Variants in KCND2 observed in about 807,000 individuals in gnomAD.
KCND2 encodes potassium voltage-gated channel subfamily D member 2, also known as A-type voltage-gated potassium channel KCND2.
KCND2 carries 16 observed loss-of-function variants against 54.4 expected under a neutral mutation model. That is an observed-to-expected ratio of 0.29 (90% CI 0.20 to 0.45). The LOEUF is 0.45. KCND2 is among the 20% of genes least tolerant of loss of function. The probability of loss-of-function intolerance (pLI) is 1.00; values close to 1 mark genes in which losing one functional copy is unlikely to be tolerated. For synonymous variants in KCND2, 317 were observed against 310.7 expected (o/e 1.02, Z -0.21); for missense variants, 486 against 824.2 (o/e 0.59, Z 5.02).
At chr7:120,634,313 A>G (rs1246131348) in intron 1 of KCND2, among the ~76,000 whole-genome samples, 1 of 152,168 alleles carries the variant, frequency 6.6e-6, no homozygotes, top group East Asian at 1.9e-4. Flanking sequence ...ATATTAATAA[A>G]AATTTTACAT....
chr7:120,329,120 C>CTTTT (rs542875258), intron 1 of KCND2, among the ~76,000 whole-genome samples: 2 of 132,504 alleles, frequency 1.5e-5, no homozygotes, highest in South Asian at 2.4e-4. Flanking sequence ...CTAGCTTAGT[C>CTTTT]TTTTTTTTTT....
intron 1 of KCND2, among the ~76,000 whole-genome samples, chr7:120,367,565 A>T (rs866148269): frequency 2.8e-5 from 4 of 141,160 alleles, no homozygotes; most frequent in Non-Finnish European, 4.6e-5. Context: ...ATCCATAGTT[A>T]AAAAAAAAAA....
chr7:120,652,744 C>T (rs1055121862), intron 1 of KCND2, among the ~76,000 whole-genome samples: 4 of 152,120 alleles, frequency 2.6e-5, no homozygotes, highest in Non-Finnish European at 5.9e-5. Flanking sequence ...TGGCTCATCA[C>T]TTCAAAACTT....
At chr7:120,692,300 T>G (rs1449655643) in intron 1 of KCND2, among the ~76,000 whole-genome samples, 1 of 152,228 alleles carries the variant, frequency 6.6e-6, no homozygotes, top group African/African-American at 2.4e-5. Context: ...CTGAATAATC[T>G]GTACCAAGGG....
chr7:120,451,886 T>C (rs1378232221), intron 1 of KCND2, among the ~76,000 whole-genome samples: 1 of 152,230 alleles, frequency 6.6e-6, no homozygotes, highest in East Asian at 1.9e-4. Flanking sequence ...CAGGTCACAG[T>C]CTAAGCTAAT....
At chr7:120,733,117 ATGAGC>A in intron 2 of KCND2, 52 bp downstream of exon 2, 2 of 1,583,284 alleles carry the variant, frequency 1.3e-6, no homozygotes, top group Non-Finnish European at 1.7e-6. Flanking sequence ...ACTTTTTATA[ATGAGC>A]TTTAAAATTT....
intron 1 of KCND2, among the ~76,000 whole-genome samples, chr7:120,414,258 A>G (rs1432979476): frequency 6.6e-6 from 1 of 152,090 alleles, no homozygotes; most frequent in African/African-American, 2.4e-5. Context: ...ATGATACTCT[A>G]TATTTGAAAA....
intron 1 of KCND2, among the ~76,000 whole-genome samples, chr7:120,497,517 C>T (rs981595702): frequency 1.3e-5 from 2 of 152,194 alleles, no homozygotes; most frequent in Non-Finnish European, 2.9e-5. Context: ...GAGATTTATA[C>T]TTCCCTAATT....
intron 1 of KCND2, among the ~76,000 whole-genome samples, chr7:120,496,483 G>C (rs1191958296): frequency 6.6e-6 from 1 of 151,886 alleles, no homozygotes; most frequent in African/African-American, 2.4e-5. Context: ...GGAGTGCAGT[G>C]GTGCCATCTC....
At chr7:120,584,522 A>T (rs1386629922) in intron 1 of KCND2, among the ~76,000 whole-genome samples, 2 of 152,222 alleles carry the variant, frequency 1.3e-5, no homozygotes, top group Non-Finnish European at 2.9e-5. Context: ...AAAAAGTTGA[A>T]CAGGTTAGCA....
At chr7:120,384,799 A>G (rs896215978) in intron 1 of KCND2, among the ~76,000 whole-genome samples, 2 of 152,088 alleles carry the variant, frequency 1.3e-5, no homozygotes, top group African/African-American at 4.8e-5. Context: ...ACTTAATAAC[A>G]TGGCTATGCC....
intron 1 of KCND2, among the ~76,000 whole-genome samples, chr7:120,451,784 G>A (rs1294866684): frequency 6.6e-6 from 1 of 152,170 alleles, no homozygotes; most frequent in Admixed American, 6.5e-5. Context: ...TGGTGCTGTT[G>A]TAACTCGTGT....
At chr7:120,431,945 C>A (rs577967944) in intron 1 of KCND2, among the ~76,000 whole-genome samples, 2 of 152,120 alleles carry the variant, frequency 1.3e-5, no homozygotes, top group South Asian at 4.1e-4. Context: ...ATTATCGCTT[C>A]ATGCAACAGC....
At chr7:120,622,630 TCTCTC>T (rs1793113330) in intron 1 of KCND2, among the ~76,000 whole-genome samples, 1 of 151,150 alleles carries the variant, frequency 6.6e-6, no homozygotes, top group Non-Finnish European at 1.5e-5. Flanking sequence ...ATTACCATCT[TCTCTC>T]AGGCTTTAAA....
intron 1 of KCND2, among the ~76,000 whole-genome samples, chr7:120,707,632 T>A (rs529251411): frequency 6.6e-6 from 1 of 152,250 alleles, no homozygotes; most frequent in East Asian, 1.9e-4. Flanking sequence ...TGGGGGCACT[T>A]AAGCTTACGA....
chr7:120,622,898 T>C (rs766113588), intron 1 of KCND2, among the ~76,000 whole-genome samples: 1 of 152,134 alleles, frequency 6.6e-6, no homozygotes, highest in Non-Finnish European at 1.5e-5. Context: ...TTTAGTGACT[T>C]CAATCCATTT....
chr7:120,315,112 GAAA>G, intron 1 of KCND2, among the ~76,000 whole-genome samples: 1 of 151,396 alleles, frequency 6.6e-6, no homozygotes, highest in South Asian at 2.1e-4. Context: ...TTTGTAAAGG[GAAA>G]AAAAAGCATC....
intron 2 of KCND2, among the ~76,000 whole-genome samples, chr7:120,735,400 A>C (rs137865766): frequency 6.6e-4 from 100 of 152,182 alleles, no homozygotes; most frequent in African/African-American, 2.3e-3. Context: ...CAAAAGTTTA[A>C]CTTTCAACCA....
intron 1 of KCND2, among the ~76,000 whole-genome samples, chr7:120,437,631 T>C (rs1295507019): frequency 6.6e-6 from 1 of 152,162 alleles, no homozygotes; most frequent in Non-Finnish European, 1.5e-5. Context: ...AATGTTTAGG[T>C]AGTCAGATAA....
Sources: gnomAD v4.1 joint callset for allele counts (sites outside exome capture counted in the v4.1 genomes callset) on GRCh38, gnomAD v4.1.1 for gene constraint, MANE v1.5 for transcripts, NCBI Gene and HGNC (gene_info 2026-07-23, HGNC 2026-07-21) for gene names.